The following HUS1 variants were observed in gnomAD, a reference collection of about 807,000 sequenced individuals.
The protein encoded by HUS1 is checkpoint protein HUS1.
In HUS1, 31 loss-of-function variants were observed where a neutral mutation model predicts 32.6. The observed-to-expected ratio is 0.95, with a 90% CI of 0.72 to 1.28. HUS1 has a LOEUF of 1.28. Ranked by LOEUF, HUS1 falls within the 50% of genes most tolerant of loss-of-function variation. The pLI is 0.00. For missense variants in HUS1, 340 were observed against 337.7 expected (o/e 1.01, Z -0.05); for synonymous variants, 123 against 116.6 (o/e 1.06, Z -0.36).
rs757055732 is a variant in HUS1, at chr7:47,967,944, A to G, written c.641-19T>C. The G allele has an allele frequency of 6.2e-6, 10 of 1,604,504 alleles. No individual in the cohort carries two copies. Among genetic ancestry groups the G allele is most frequent in the Non-Finnish European group, 8.5e-6 (10 of 1,176,046 alleles). ...TCAGAGGCTAAAATGATAGGAATGC[A>G]TTTAAATACAACATCTTCCCACGTA... On this transcript the variant is annotated intron_variant, in intron 6 of 7. Coordinates refer to ENST00000258774, the MANE Select transcript of HUS1 (RefSeq NM_004507.4).
intron 5 of HUS1, among the ~76,000 whole-genome samples, chr7:47,973,035 C>T (rs1176489001): frequency 6.6e-6 from 1 of 152,140 alleles, no homozygotes; most frequent in Non-Finnish European, 1.5e-5. Flanking sequence ...AGGGAGTTCT[C>T]ATGAGATCTG....
intron 5 of HUS1, 64 bp from the exon 6 acceptor site, chr7:47,969,382 C>A: frequency 1.2e-6 from 1 of 830,414 alleles, no homozygotes; most frequent in South Asian, 1.5e-5. Flanking sequence ...ACTCCATGGG[C>A]AACAGCTTTC....
In HUS1 at chr7:47,969,199, T is replaced by C. The variant is rs1345636232; in HGVS notation, c.640+20A>G. On this transcript the variant is annotated intron_variant, in intron 6 of 7. Coordinates refer to ENST00000258774, the MANE Select transcript of HUS1 (RefSeq NM_004507.4). ...CAATTAACTTATCCAAAGCAAAATA[T>C]AACCCACTAGAAAACTTACCTAATG... 1 of 1,245,474 alleles carries C rather than the reference T, an allele frequency of 8.0e-7. No individual in the cohort carries two copies. The highest frequency in any genetic ancestry group is 1.2e-6 in the Non-Finnish European group (1 of 861,880). The allele number at this position is 1,245,474 out of a possible 1,614,324, so 77.2% of individuals were successfully genotyped here. A position where few individuals can be genotyped will look rare whatever the true frequency, so the allele number is the denominator to read the frequency against.
intron 3 of HUS1, among the ~76,000 whole-genome samples, chr7:47,977,883 C>T (rs1788739236): frequency 6.6e-6 from 1 of 152,060 alleles, no homozygotes; most frequent in African/African-American, 2.4e-5. Flanking sequence ...GATAGAGAGA[C>T]TCCGTCTCAA....
chr7:47,969,621 A>G (rs1338547942), intron 5 of HUS1, among the ~76,000 whole-genome samples: 2 of 152,224 alleles, frequency 1.3e-5, no homozygotes, highest in African/African-American at 4.8e-5. Flanking sequence ...AGACTACAGC[A>G]GCACAAGGGC....
chr7:47,965,156 A>G lies in HUS1; in HGVS notation c.*200T>C. Reference sequence around the variant, plus strand: ...GTGTCTTAAAAACAAAGCAAAACAGACATGAGCAACATGAAGTGATATGTT... The same window carrying G: ...GTGTCTTAAAAACAAAGCAAAACAGGCATGAGCAACATGAAGTGATATGTT... On this transcript the variant is annotated 3_prime_UTR_variant, in exon 8 of 8. Coordinates refer to ENST00000258774, the MANE Select transcript of HUS1 (RefSeq NM_004507.4). The G allele has an allele frequency of 2.2e-6, 1 of 457,782 alleles. No individual in the cohort carries two copies. Among genetic ancestry groups the G allele is most frequent in the African/African-American group, 1.9e-5 (1 of 52,226 alleles). The allele number at this position is 457,782 out of a possible 1,614,324, so 28.4% of individuals were successfully genotyped here. A position where few individuals can be genotyped will look rare whatever the true frequency, so the allele number is the denominator to read the frequency against.
At position 47,963,484 on chromosome 7, in the gene HUS1, A is replaced by T. The variant is rs1479719650; in HGVS notation, c.*1872T>A. Reference sequence around the variant, plus strand: ...TTCAGATATTGTTTCATTTTGTATCATGATTTTTAAGTTTTCTCACTGCAG... The same window carrying T: ...TTCAGATATTGTTTCATTTTGTATCTTGATTTTTAAGTTTTCTCACTGCAG... On this transcript the variant is annotated 3_prime_UTR_variant, in exon 8 of 8. Coordinates refer to ENST00000258774, the MANE Select transcript of HUS1 (RefSeq NM_004507.4). 1.3e-5 allele frequency: 2 copies of T among 152,258 alleles called. No individual in the cohort carries two copies. Among genetic ancestry groups the T allele is most frequent in the Non-Finnish European group, 2.9e-5 (2 of 68,036 alleles). The allele number at this position is 152,258 out of a possible 1,614,324, so 9.4% of individuals were successfully genotyped here.
chr7:47,978,480 G>A lies in HUS1; in HGVS notation c.294C>T (p.Ala98=), dbSNP rs1436099018. Residue 98 remains alanine, a synonymous_variant, in exon 3 of 8, where the codon GCC becomes GCT. Coordinates refer to ENST00000258774, the MANE Select transcript of HUS1 (RefSeq NM_004507.4). ...LSRALKTAQN[A]RALKIKLTNK... ...TAGTCAGTTTGATTTTCAAAGCCCT[G>A]GCATTCTGGGCAGTCTTCAAGGCTC... The A allele has an allele frequency of 1.9e-6, 3 of 1,614,108 alleles. No homozygotes were observed. Among genetic ancestry groups the A allele is most frequent in the Non-Finnish European group, 2.5e-6 (3 of 1,180,034 alleles).
At chr7:47,966,928 A>G (rs934915243) in intron 7 of HUS1, among the ~76,000 whole-genome samples, 2 of 152,040 alleles carry the variant, frequency 1.3e-5, no homozygotes, top group Non-Finnish European at 2.9e-5. Context: ...CAACTGTGTG[A>G]CACCTTCCCC....
intron 5 of HUS1, among the ~76,000 whole-genome samples, chr7:47,973,771 C>G (rs1397113460): frequency 6.6e-6 from 1 of 152,116 alleles, no homozygotes; most frequent in East Asian, 1.9e-4. Context: ...AAAGAGAAAA[C>G]AAAACACCTC....
intron 5 of HUS1, among the ~76,000 whole-genome samples, chr7:47,969,885 T>C (rs1788558932): frequency 6.6e-6 from 1 of 152,338 alleles, no homozygotes; most frequent in Admixed American, 6.5e-5. Flanking sequence ...GTCATTAAAT[T>C]AGAAAACTAT....
At chr7:47,976,095 A>G in intron 4 of HUS1, 1 of 335,962 alleles carries the variant, frequency 3.0e-6, no homozygotes. Flanking sequence ...CTCTGTACAA[A>G]AACATGGCAG....
At chr7:47,970,232 CAAAAAAA>C (rs777331089) in intron 5 of HUS1, among the ~76,000 whole-genome samples, 8 of 47,834 alleles carry the variant, frequency 1.7e-4, no homozygotes, top group African/African-American at 4.4e-4. Flanking sequence ...GACTCTGTCT[CAAAAAAA>C]AAAAAAAAAA....
At chr7:47,976,303 G>C in intron 4 of HUS1, 1 of 457,264 alleles carries the variant, frequency 2.2e-6, no homozygotes, top group Non-Finnish European at 4.4e-6. Flanking sequence ...AGGAGCTCTA[G>C]GGTTAACCAT....
At chr7:47,971,523 G>A (rs1788600631) in intron 5 of HUS1, 1 of 456,724 alleles carries the variant, frequency 2.2e-6, no homozygotes, top group Non-Finnish European at 4.4e-6. Flanking sequence ...GAACCTAGAA[G>A]TGAAGCATAT....
rs745759385 is a variant in HUS1 at position 47,978,589 on chromosome 7, T to TAGG, written c.184_185insCCT (p.Asn62delinsThrTyr). ...CTCCATTTGAAATTCGTTGAAGAAGTTCTCCTAAGGGAAAAAAAATGAGGG... is the reference window on the plus strand; with the variant it reads ...CTCCATTTGAAATTCGTTGAAGAAGTAGGTCTCCTAAGGGAAAAAAAATGAGGG... On this transcript the variant is annotated protein_altering_variant, in exon 3 of 8. Transcript: ENST00000258774. 6.2e-7 allele frequency: 1 copy of TAGG among 1,613,956 alleles called. No homozygotes were observed. The highest frequency in any genetic ancestry group is 1.7e-5 in the Admixed American group (1 of 60,010).
At chr7:47,976,701 T>C (rs3176522) in intron 4 of HUS1, 29 bp downstream of exon 4, 3 of 1,145,050 alleles carry the variant, frequency 2.6e-6, no homozygotes, top group Non-Finnish European at 4.0e-6. Context: ...TAATGTGGGG[T>C]GTACAGCAGG....
At chr7:47,972,657 T>C (rs1278015785) in intron 5 of HUS1, among the ~76,000 whole-genome samples, 1 of 123,968 alleles carries the variant, frequency 8.1e-6, no homozygotes, top group Non-Finnish European at 1.8e-5. Context: ...TCTAAATTTT[T>C]AAAAACTGAC....
In HUS1 at chr7:47,969,999, C is replaced by T. The variant is rs529430121; in HGVS notation, c.541-681G>A. 4.8e-4 allele frequency among the ~76,000 whole-genome samples: 73 copies of T among 151,802 alleles called. No homozygotes were observed. The South Asian group carries it at 7.5e-3, about 16-fold the overall frequency. On this transcript the variant is annotated intron_variant, in intron 5 of 7. Transcript: ENST00000258774. ...TTGTAATCCCAGCACTTTGGGAGGCCGAGGCGGGCGGATCACGAGGTCAGG... is the reference window on the plus strand; with the variant it reads ...TTGTAATCCCAGCACTTTGGGAGGCTGAGGCGGGCGGATCACGAGGTCAGG...
Sources: allele counts gnomAD v4.1 joint callset (sites outside exome capture counted in the v4.1 genomes callset), GRCh38; gene constraint gnomAD v4.1.1; transcripts MANE v1.5; gene names NCBI Gene and HGNC (gene_info 2026-07-23, HGNC 2026-07-21).